Variants in DLG5 observed in about 807,000 individuals in gnomAD.
DLG5 encodes the protein discs large MAGUK scaffold protein 5.
DLG5 carries 48 observed loss-of-function variants against 189.8 expected under a neutral mutation model. That is an observed-to-expected ratio of 0.25 (90% CI 0.20 to 0.32). The LOEUF (loss-of-function observed/expected upper bound fraction) is 0.32, where lower values mean the gene tolerates loss of function less well. Among genes scored for constraint, DLG5 ranks in the 10% least tolerant of loss-of-function variants. The probability of loss-of-function intolerance (pLI) is 1.00; values close to 1 mark genes in which losing one functional copy is unlikely to be tolerated. For missense variants in DLG5, 2,160 were observed against 2,544.7 expected (o/e 0.85, Z 3.25); for synonymous variants, 1,016 against 1,054.1 (o/e 0.96, Z 0.70).
chr10:77,796,556 C>A lies in DLG5; in HGVS notation c.5203G>T (p.Asp1735Tyr). The change falls in exon 28 of 32, where the codon GAC (aspartate) becomes TAC (tyrosine). Residue 1735 changes from aspartate to tyrosine, a missense_variant. Coordinates refer to ENST00000372391, the MANE Select transcript of DLG5 (RefSeq NM_004747.4). The surrounding 1 kb of genome is among the most constrained non-coding windows in gnomAD (Gnocchi z 5.2). The part of the protein sequence containing the change: ...SLAYQRVQKV[D>Y]CTALRPVLIL... ...AGGACAGGCCTCAGAGCGGTGCAGT[C>A]CACCTTCTGGACCCGCTGATAGGCC... is the stretch of plus-strand genomic sequence containing the variant. 6.2e-7 allele frequency: 1 copy of A among 1,614,108 alleles called. No homozygotes were observed. Among genetic ancestry groups the A allele is most frequent in the Non-Finnish European group, 8.5e-7 (1 of 1,180,024 alleles).
Position 77,794,104 on chromosome 10 carries a change from G to T in DLG5, c.5560C>A (p.Pro1854Thr), listed in dbSNP as rs964575658. 2 of 1,613,950 alleles carry T rather than the reference G, an allele frequency of 1.2e-6. No individual in the cohort carries two copies. The highest frequency in any genetic ancestry group is 1.7e-5 in the Admixed American group (1 of 60,000). ...SAKHIKEQRD[P>T]IYLRDKVTQR... is the part of the protein sequence containing the mutation. Reference sequence around the variant, plus strand: ...GTCACCTTGTCCCTCAGGTAGATGGGGTCTCTCTGCTCCCTGTGGGGACAG... The same window carrying T: ...GTCACCTTGTCCCTCAGGTAGATGGTGTCTCTCTGCTCCCTGTGGGGACAG... Residue 1854 changes from proline to threonine, a missense_variant, in exon 31 of 32, where the codon CCC (proline) becomes ACC (threonine). This residue lies in a region of DLG5 where 574 missense variants were observed against 644.2 expected (regional missense o/e 0.89). Coordinates refer to ENST00000372391, the MANE Select transcript of DLG5 (RefSeq NM_004747.4).
rs201926146 is a variant in DLG5 at position 77,796,442 on chromosome 10, G to A, written c.5308+9C>T. 1 of 1,614,178 alleles carries A rather than the reference G, an allele frequency of 6.2e-7. No individual in the cohort carries two copies. Among genetic ancestry groups the A allele is most frequent in the East Asian group, 2.2e-5 (1 of 44,884 alleles). ...CCAGTAGGCACAGAGGGTGCCCCGT[G>A]CCCCTTACCAAGGGGACATCTGCAG... On this transcript the variant is annotated intron_variant, in intron 28 of 31. Coordinates refer to ENST00000372391, the MANE Select transcript of DLG5 (RefSeq NM_004747.4). The surrounding 1 kb of genome is among the most constrained non-coding windows in gnomAD (Gnocchi z 5.2).
At chr10:77,913,882 C>G (rs1020722807) in intron 1 of DLG5, among the ~76,000 whole-genome samples, 1 of 152,132 alleles carries the variant, frequency 6.6e-6, no homozygotes. Flanking sequence ...AGCCACCATG[C>G]CTGGCTCTTG....
chr10:77,856,082 C>T (rs994417516), intron 3 of DLG5, among the ~76,000 whole-genome samples: 4 of 152,104 alleles, frequency 2.6e-5, no homozygotes, highest in Admixed American at 6.6e-5. Context: ...CTGTGGCTCA[C>T]GCCTGTAATT....
At chr10:77,882,825 A>T (rs1471899946) in intron 1 of DLG5, among the ~76,000 whole-genome samples, 2 of 151,010 alleles carry the variant, frequency 1.3e-5, no homozygotes, top group Admixed American at 1.3e-4. Context: ...CGGGAGGGTG[A>T]GGCACGAGAA....
At chr10:77,908,311 G>A (rs892641161) in intron 1 of DLG5, among the ~76,000 whole-genome samples, 5 of 152,126 alleles carry the variant, frequency 3.3e-5, no homozygotes, top group African/African-American at 9.7e-5. Flanking sequence ...CACCTCAGGG[G>A]ATCCTGGGAA....
intron 1 of DLG5, among the ~76,000 whole-genome samples, chr10:77,871,220 T>C (rs940359485): frequency 2.0e-5 from 3 of 152,072 alleles, no homozygotes; most frequent in Admixed American, 2.0e-4. Context: ...AGCGGGTGGA[T>C]GCTGGAGAAA....
At chr10:77,918,580 G>A (rs1020545472) in intron 1 of DLG5, among the ~76,000 whole-genome samples, 2 of 152,216 alleles carry the variant, frequency 1.3e-5, no homozygotes, top group African/African-American at 2.4e-5. Flanking sequence ...AACATGGGAC[G>A]CTCCAAACAT....
intron 1 of DLG5, among the ~76,000 whole-genome samples, chr10:77,924,845 G>T (rs1846639151): frequency 6.6e-6 from 1 of 152,046 alleles, no homozygotes; most frequent in African/African-American, 2.4e-5. Flanking sequence ...TAGTCTCTCT[G>T]TCAGTTTCCT....
At chr10:77,853,633 G>T in intron 4 of DLG5, 96 bp from the exon 5 acceptor site, 1 of 1,269,036 alleles carries the variant, frequency 7.9e-7, no homozygotes, top group Non-Finnish European at 1.0e-6. Flanking sequence ...AACACTTCCC[G>T]TAGATACAGC....
chr10:77,802,751 T>A (rs749508016), intron 27 of DLG5, among the ~76,000 whole-genome samples: 5 of 151,998 alleles, frequency 3.3e-5, no homozygotes, highest in African/African-American at 4.8e-5. Context: ...AATACAAAAA[T>A]TAGCCAGATG....
chr10:77,872,346 C>T lies in DLG5; in HGVS notation c.305-3149G>A, dbSNP rs1844934307. ...AGATGCCCTTCCCTCTCTCCGCCCA[C>T]CTACCTCCCTGGCTGGGGGAGTCCA... On this transcript the variant is annotated intron_variant, in intron 1 of 31. Transcript: ENST00000372391. Among the ~76,000 whole-genome samples, 12 of 152,364 alleles carry T rather than the reference C, an allele frequency of 7.9e-5. No homozygotes were observed. The South Asian group carries it at 2.5e-3, about 32-fold the overall frequency.
chr10:77,827,477 C>A (rs1842694393), intron 13 of DLG5, among the ~76,000 whole-genome samples: 1 of 152,198 alleles, frequency 6.6e-6, no homozygotes, highest in South Asian at 2.1e-4. Flanking sequence ...CCACCCACCT[C>A]GGCCTCCCAA....
upstream of DLG5, chr10:77,929,654 T>G (rs192779792): frequency 6.6e-6 from 1 of 152,236 alleles, no homozygotes; most frequent in African/African-American, 2.4e-5. Context: ...GAGACAGAAG[T>G]GATGCGGCTG....
rs2154575574 is a variant in DLG5 at position 77,819,885 on chromosome 10, G to T, written c.3526+10C>A. 6.5e-7 allele frequency: 1 copy of T among 1,543,340 alleles called. No homozygotes were observed. The highest frequency in any genetic ancestry group is 8.7e-7 in the Non-Finnish European group (1 of 1,147,854). On this transcript the variant is annotated intron_variant, in intron 16 of 31. Transcript: ENST00000372391. ...GACCCTCAGCCCCAGCCCCTGGCTG[G>T]CTGACTCACCCACAGACGGCCTGCT...
rs1158031207 is a variant in DLG5 at position 77,792,557 on chromosome 10, C to A, written c.5657-14G>T. 2 of 1,613,340 alleles carry A rather than the reference C, an allele frequency of 1.2e-6. No homozygotes were observed. Among genetic ancestry groups the A allele is most frequent in the Non-Finnish European group, 1.7e-6 (2 of 1,179,340 alleles). On this transcript the variant is annotated splice_polypyrimidine_tract_variant and intron_variant, in intron 31 of 31. Coordinates refer to ENST00000372391, the MANE Select transcript of DLG5 (RefSeq NM_004747.4). ...CCTGGATGACCCCTGCAAAAGAGCC[C>A]CCCAGACACGTCATTCAGCTCAGAG...
intron 3 of DLG5, among the ~76,000 whole-genome samples, 194 bp from the exon 4 acceptor site, chr10:77,854,564 A>AG (rs1487034821): frequency 6.6e-6 from 1 of 152,180 alleles, no homozygotes; most frequent in Non-Finnish European, 1.5e-5. Context: ...CCTAGGATGG[A>AG]GGGAGCCGTG....
chr10:77,848,392 G>A lies in DLG5; in HGVS notation c.865-4686C>T, dbSNP rs115028813. Among the ~76,000 whole-genome samples, 425 of 152,164 alleles carry A rather than the reference G, an allele frequency of 2.8e-3. 1 individual carries two copies. The highest frequency in any genetic ancestry group is 9.9e-3 in the African/African-American group (410 of 41,518). ...AGTATATTTTAAAGACAGGGGAAAG[G>A]GCAAGGAGGAGGAGAGAGAAGACTC... On this transcript the variant is annotated intron_variant, in intron 5 of 31. Transcript: ENST00000372391.
At chr10:77,905,341 C>G (rs561764836) in intron 1 of DLG5, among the ~76,000 whole-genome samples, 4 of 152,062 alleles carry the variant, frequency 2.6e-5, no homozygotes, top group Admixed American at 1.3e-4. Flanking sequence ...TCAATAAACA[C>G]GTGGAATGGA....
Sources: gnomAD v4.1 joint callset for allele counts (sites outside exome capture counted in the v4.1 genomes callset) on GRCh38, gnomAD v4.1.1 for gene constraint, gnomAD v4.1.1 regional missense constraint, Gnocchi (gnomAD v3.1) non-coding constraint, MANE v1.5 for transcripts, NCBI Gene and HGNC (gene_info 2026-07-23, HGNC 2026-07-21) for gene names.